The following LMX1B variants were observed in gnomAD, a reference collection of about 807,000 sequenced individuals.
LMX1B encodes LIM homeobox transcription factor 1 beta.
A neutral mutation model predicts 51.4 loss-of-function variants in LMX1B; 12 were observed. That is an observed-to-expected ratio of 0.23 (90% confidence interval 0.15 to 0.38). The LOEUF is 0.38. LMX1B is among the 10% of genes least tolerant of loss of function. The pLI, the probability that LMX1B is intolerant of heterozygous loss-of-function variation, is 1.00. For missense variants in LMX1B, 445 were observed against 571.1 expected, an observed-to-expected ratio of 0.78 and a Z score of 2.25; for synonymous variants, 237 against 235.4, an observed-to-expected ratio of 1.01 and a Z score of -0.06.
chr9:126,637,822 T>TTCCCCCCC (rs1564151130), intron 2 of LMX1B, among the ~76,000 whole-genome samples: 5 of 91,996 alleles, frequency 5.4e-5, no homozygotes, highest in African/African-American at 8.9e-5. Flanking sequence ...GTGCCTGTCC[T>TTCCCCCCC]CCCCCCCCCC....
intron 2 of LMX1B, among the ~76,000 whole-genome samples, chr9:126,656,433 A>AGATAGATAG (rs1564156995): frequency 6.8e-6 from 1 of 146,328 alleles, no homozygotes; most frequent in Non-Finnish European, 1.5e-5. Context: ...ATAGATAGAT[A>AGATAGATAG]GATAGGATAG....
In LMX1B at chr9:126,693,994, A is replaced by G. The variant is rs187485257; in HGVS notation, c.886+182A>G. 5.8e-5 allele frequency: 34 copies of G among 584,462 alleles called. 1 individual carries two copies. The Admixed American group carries it at 8.6e-4, about 15-fold the overall frequency. 36.2% of individuals were successfully genotyped at this position (584,462 alleles called of 1,614,324 possible). ...GGGGCCCGGGATGTTTCTTTTAACA[A>G]AACTTCTCAAAAGCCTTCCACCAAG... On this transcript the variant is annotated intron_variant, in intron 6 of 7. Coordinates refer to ENST00000373474, the MANE Select transcript of LMX1B (RefSeq NM_001174147.2).
At chr9:126,693,652 G>C in intron 5 of LMX1B, 51 bp downstream of exon 5, 1 of 1,610,328 alleles carries the variant, frequency 6.2e-7, no homozygotes, top group South Asian at 1.1e-5. Context: ...TGGGACTAGA[G>C]GGGGCAGCCA....
intron 2 of LMX1B, among the ~76,000 whole-genome samples, chr9:126,649,335 C>G (rs1835960198): frequency 6.6e-6 from 1 of 152,158 alleles, no homozygotes; most frequent in African/African-American, 2.4e-5. Flanking sequence ...CTCTTATCAC[C>G]CTTTCAGGGA....
At chr9:126,643,874 G>T (rs577100847) in intron 2 of LMX1B, among the ~76,000 whole-genome samples, 49 of 152,334 alleles carry the variant, frequency 3.2e-4, no homozygotes, top group Admixed American at 6.5e-4. Context: ...TCATTGAATT[G>T]TCACAGTAGC....
intron 2 of LMX1B, among the ~76,000 whole-genome samples, chr9:126,645,696 CAG>C (rs1250578759): frequency 1.3e-5 from 2 of 152,142 alleles, no homozygotes; most frequent in African/African-American, 4.8e-5. Context: ...GGAGGGAGGT[CAG>C]GGGATGATGT....
intron 2 of LMX1B, among the ~76,000 whole-genome samples, chr9:126,678,335 A>AAAAAAAAAAAAAAAC (rs1836610286): frequency 1.2e-4 from 17 of 141,342 alleles, no homozygotes; most frequent in South Asian, 2.3e-4. Context: ...AAAACAAAAA[A>AAAAAAAAAAAAAAAC]AAAAAACAAA....
intron 3 of LMX1B, 116 bp from the exon 4 acceptor site, chr9:126,693,026 G>A (rs917641024): frequency 8.2e-6 from 9 of 1,101,102 alleles, no homozygotes; most frequent in Non-Finnish European, 1.2e-5. Context: ...GGGAGCCACG[G>A]CAGGTGTCAA....
intron 2 of LMX1B, among the ~76,000 whole-genome samples, chr9:126,621,093 T>C (rs1420431541): frequency 1.3e-5 from 2 of 152,214 alleles, no homozygotes; most frequent in East Asian, 3.9e-4. Flanking sequence ...CTCTGGAGTT[T>C]CTAAAAAATA....
intron 2 of LMX1B, among the ~76,000 whole-genome samples, chr9:126,627,439 C>T (rs1052635711): frequency 1.3e-5 from 2 of 152,068 alleles, no homozygotes; most frequent in Non-Finnish European, 2.9e-5. Flanking sequence ...TCCATTTTCT[C>T]CCTCCTGTCC....
chr9:126,681,255 A>G (rs192095821), intron 2 of LMX1B, among the ~76,000 whole-genome samples: 92 of 152,014 alleles, frequency 6.1e-4, no homozygotes, highest in African/African-American at 1.8e-3. Context: ...CTGAACTCCA[A>G]CCTCACACAA....
rs949386968 is a variant in LMX1B at position 126,626,085 on chromosome 9, G to T, written c.326+10516G>T. Among the ~76,000 whole-genome samples the T allele has an allele frequency of 3.3e-5, 5 of 152,224 alleles. No individual in the cohort carries two copies. The highest frequency in any genetic ancestry group is 3.3e-4 in the Admixed American group (5 of 15,294). Reference sequence around the variant, plus strand: ...GAGCTCGTGGGGTTTCAGCCCAAAGGCTCCAGTCAGTGGAACCGGAGGGGG... The same window carrying T: ...GAGCTCGTGGGGTTTCAGCCCAAAGTCTCCAGTCAGTGGAACCGGAGGGGG... On this transcript the variant is annotated intron_variant, in intron 2 of 7. Coordinates refer to ENST00000373474, the MANE Select transcript of LMX1B (RefSeq NM_001174147.2). This position sits in a 1 kb window ranked among gnomAD's most constrained non-coding sequence, Gnocchi z 4.3.
intron 2 of LMX1B, among the ~76,000 whole-genome samples, chr9:126,617,211 C>T (rs1376313495): frequency 6.6e-6 from 1 of 151,998 alleles, no homozygotes; most frequent in Non-Finnish European, 1.5e-5. Context: ...CTGTAGGGTG[C>T]ACCAGCCTCT....
At chr9:126,614,777 G>A (rs1385477396) in intron 1 of LMX1B, among the ~76,000 whole-genome samples, 189 bp downstream of exon 1, 15 of 152,140 alleles carry the variant, frequency 9.9e-5, no homozygotes, top group Non-Finnish European at 1.9e-4. Flanking sequence ...CGTCCTGAGG[G>A]GACAGGACAG....
intron 2 of LMX1B, among the ~76,000 whole-genome samples, chr9:126,651,538 C>T (rs905230346): frequency 2.6e-5 from 4 of 152,216 alleles, no homozygotes; most frequent in East Asian, 3.9e-4. Flanking sequence ...CTTCTCCCCC[C>T]CTCCCAACAA....
intron 2 of LMX1B, among the ~76,000 whole-genome samples, chr9:126,663,929 G>C (rs944094288): frequency 1.1e-4 from 17 of 152,252 alleles, no homozygotes; most frequent in Non-Finnish European, 7.3e-5. Context: ...CCAGTATGGG[G>C]CTATTTTTAG....
At chr9:126,681,887 T>C (rs186879811) in intron 2 of LMX1B, among the ~76,000 whole-genome samples, 3,332 of 149,578 alleles carry the variant, frequency 0.022, 91 homozygotes, top group African/African-American at 0.065. Context: ...GGCGACAGAG[T>C]GAGACTCCAT....
In LMX1B at chr9:126,690,951, C is replaced by T; in HGVS notation, c.442C>T (p.Arg148Trp). 1 of 1,614,000 alleles carries T rather than the reference C, an allele frequency of 6.2e-7. No homozygotes were observed. The highest frequency in any genetic ancestry group is 8.5e-7 in the Non-Finnish European group (1 of 1,179,940). ...CTGCTTCTGCTGCTGCGTGTGTGAACGGCAGCTACGCAAGGGCGACGAATT... is the reference window on the plus strand; with the variant it reads ...CTGCTTCTGCTGCTGCGTGTGTGAATGGCAGCTACGCAAGGGCGACGAATT... ...LGCFCCCVCE[R>W]QLRKGDEFVL... Residue 148 changes from arginine (R) to tryptophan (W), a missense_variant, in exon 3 of 8, where the codon CGG becomes TGG. By Grantham distance (101) the Arg-to-Trp change is moderately radical (BLOSUM62 -3). This residue lies in a region of LMX1B where 273 missense variants were observed against 343.3 expected (regional missense o/e 0.80). Coordinates refer to ENST00000373474, the MANE Select transcript of LMX1B (RefSeq NM_001174147.2).
chr9:126,632,403 A>G (rs1258549957), intron 2 of LMX1B, among the ~76,000 whole-genome samples: 1 of 152,098 alleles, frequency 6.6e-6, no homozygotes, highest in South Asian at 2.1e-4. Flanking sequence ...GGGCTGGGAC[A>G]GTGAGTCTGG....
Sources: gnomAD v4.1 joint callset for allele counts (sites outside exome capture counted in the v4.1 genomes callset) on GRCh38, gnomAD v4.1.1 for gene constraint, gnomAD v4.1.1 regional missense constraint, Gnocchi (gnomAD v3.1) non-coding constraint, MANE v1.5 for transcripts, NCBI Gene and HGNC (gene_info 2026-07-23, HGNC 2026-07-21) for gene names.